The following TUBA4B variants were observed in gnomAD, a reference collection of about 807,000 sequenced individuals.
TUBA4B encodes the protein tubulin-like protein alpha-4B.
A neutral mutation model predicts 18.4 loss-of-function variants in TUBA4B; 13 were observed. The observed-to-expected ratio is 0.71, with a 90% confidence interval of 0.46 to 1.12. The LOEUF is 1.12. TUBA4B is among the 50% of genes most tolerant of loss of function. The pLI, the probability that TUBA4B is intolerant of heterozygous loss-of-function variation, is 0.00. For missense variants in TUBA4B, 244 were observed against 250.0 expected, an observed-to-expected ratio of 0.98 and a Z score of 0.16; for synonymous variants, 101 against 99.1, an observed-to-expected ratio of 1.02 and a Z score of -0.11.
At chr2:219,270,150 CA>C (rs1951816601) in intron 2 of TUBA4B, 51 bp from the exon 3 acceptor site, 1 of 693,588 alleles carries the variant, frequency 1.4e-6, no homozygotes, top group Admixed American at 2.0e-5. Context: ...AGCTGGATTG[CA>C]AAGGGAGGTG....
intron 1 of TUBA4B, among the ~76,000 whole-genome samples, chr2:219,253,690 G>C (rs1332829606): frequency 6.6e-6 from 1 of 152,188 alleles, no homozygotes; most frequent in South Asian, 2.1e-4. Flanking sequence ...TATACGGCTC[G>C]GCCAAAGTCA....
chr2:219,257,284 A>G (rs1305039722), intron 1 of TUBA4B, among the ~76,000 whole-genome samples: 1 of 135,646 alleles, frequency 7.4e-6, no homozygotes, highest in African/African-American at 2.8e-5. Context: ...CTCGTGATCC[A>G]CCCACCTCAG....
chr2:219,260,394 A>G (rs1951752507), intron 1 of TUBA4B, among the ~76,000 whole-genome samples: 1 of 152,218 alleles, frequency 6.6e-6, no homozygotes. Flanking sequence ...ACTAGAGTAT[A>G]TACATTCCCA....
rs747592132 is a variant in TUBA4B, at chr2:219,270,309, C to G, written c.166C>G (p.Leu56Val). Residue 56 changes from leucine (L) to valine (V), a missense_variant, in exon 3 of 4, where the codon CTG (leucine) becomes GTG (valine). Leu to Val is a conservative substitution (Grantham distance 32). Transcript: ENST00000490341. Reference protein sequence around the residue: ...HYTIGKEFIDLLLDRIRKLAD... With the variant: ...HYTIGKEFIDVLLDRIRKLAD... The stretch of plus-strand genomic sequence containing the variant: ...CACCATTGGGAAGGAGTTCATCGAC[C>G]TGCTACTGGACCGGATTCGGAAGCT... The G allele has an allele frequency of 4.0e-6, 3 of 751,366 alleles. No homozygotes were observed. The highest frequency in any genetic ancestry group is 7.4e-6 in the Non-Finnish European group (3 of 406,368). The allele number at this position is 751,366 out of a possible 1,614,324, so 46.5% of individuals were successfully genotyped here.
In TUBA4B at chr2:219,271,804, T is replaced by C. The variant is rs531909544; in HGVS notation, c.*105T>C. ...TGCCATTGCTGCCATCAAGACCAAG[T>C]GCAGCATTCAGTTTGTGGACTGGTG... is the stretch of plus-strand genomic sequence containing the variant. On this transcript the variant is annotated 3_prime_UTR_variant, in exon 4 of 4. Coordinates refer to ENST00000490341, the MANE Select transcript of TUBA4B (RefSeq NM_001355221.1). The C allele has an allele frequency of 4.4e-5, 71 of 1,602,194 alleles. No homozygotes were observed. The highest frequency in any genetic ancestry group is 8.0e-5 in the African/African-American group (6 of 74,838).
intron 1 of TUBA4B, among the ~76,000 whole-genome samples, chr2:219,260,873 TG>T (rs1160878193): frequency 6.6e-6 from 1 of 152,002 alleles, no homozygotes; most frequent in East Asian, 1.9e-4. Flanking sequence ...CTCGGGAGGC[TG>T]AGGCAGAAGA....
In TUBA4B at chr2:219,271,170, A is replaced by G. The variant is rs1357452007; in HGVS notation, c.197A>G (p.Asp66Gly). The change falls in exon 4 of 4, where the codon GAC becomes GGC. Residue 66 changes from aspartate (D) to glycine (G), a missense_variant. By Grantham distance (94) the Asp-to-Gly change is moderately conservative. Coordinates refer to ENST00000490341, the MANE Select transcript of TUBA4B (RefSeq NM_001355221.1). ...LLLDRIRKLA[D>G]QCTGLQGFLV... ...CCCCTCCCCTTCCCTGTCTAGGCTG[A>G]CCAGTGCACAGGACTTCAGGGCTTC... 10 of 929,188 alleles carry G rather than the reference A, an allele frequency of 1.1e-5. No homozygotes were observed. The highest frequency in any genetic ancestry group is 1.8e-5 in the Non-Finnish European group (10 of 561,208). 57.6% of individuals were successfully genotyped at this position (929,188 alleles called of 1,614,324 possible). A position where few individuals can be genotyped will look rare whatever the true frequency, so the allele number is the denominator to read the frequency against.
At chr2:219,253,868 G>C (rs377724136) in intron 1 of TUBA4B, 5 of 1,464,568 alleles carry the variant, frequency 3.4e-6, no homozygotes, top group African/African-American at 1.4e-5. Context: ...TGGTGAGTCC[G>C]GGCGGTGCGT....
chr2:219,264,845 C>T (rs1951780977), intron 1 of TUBA4B, among the ~76,000 whole-genome samples: 1 of 152,216 alleles, frequency 6.6e-6, no homozygotes, highest in South Asian at 2.1e-4. Context: ...TGGGGGGCTA[C>T]TGTGGTGTGA....
intron 2 of TUBA4B, 44 bp downstream of exon 2, chr2:219,266,610 G>A (rs943431125): frequency 2.8e-6 from 2 of 701,798 alleles, no homozygotes; most frequent in Non-Finnish European, 5.2e-6. Flanking sequence ...GCAAGTGAGG[G>A]TCCCAGTGGG....
chr2:219,253,998 G>A, intron 1 of TUBA4B: 3 of 899,422 alleles, frequency 3.3e-6, no homozygotes, highest in Non-Finnish European at 4.7e-6. Flanking sequence ...TAGAGGCTGG[G>A]CGGCCCGCAG....
chr2:219,257,444 C>T (rs1393566159), intron 1 of TUBA4B, among the ~76,000 whole-genome samples: 1 of 147,426 alleles, frequency 6.8e-6, no homozygotes, highest in Non-Finnish European at 1.5e-5. Context: ...AGTTCAAGAC[C>T]AGCCTGACCA....
intron 1 of TUBA4B, among the ~76,000 whole-genome samples, chr2:219,256,154 GA>G (rs959982050): frequency 2.0e-5 from 3 of 152,150 alleles, no homozygotes; most frequent in Non-Finnish European, 4.4e-5. Context: ...GCTATCTTAG[GA>G]AAAACTCTAA....
intron 1 of TUBA4B, among the ~76,000 whole-genome samples, 152 bp downstream of exon 1, chr2:219,253,571 G>A (rs987151311): frequency 2.6e-5 from 4 of 152,186 alleles, no homozygotes; most frequent in African/African-American, 9.7e-5. Context: ...ATACAGAGTC[G>A]GGACACAAAT....
chr2:219,269,579 G>A (rs1276359436), intron 2 of TUBA4B, among the ~76,000 whole-genome samples: 3 of 152,186 alleles, frequency 2.0e-5, no homozygotes, highest in African/African-American at 7.2e-5. Flanking sequence ...GTCCAGGCAT[G>A]ATATGTTTCC....
In TUBA4B at chr2:219,271,478, C is replaced by T; in HGVS notation, c.505C>T (p.Leu169Phe). Residue 169 changes from leucine (L) to phenylalanine (F), a missense_variant, in exon 4 of 4, where the codon CTC becomes TTC. Physicochemically the swap from Leu to Phe is conservative, Grantham distance 22. Coordinates refer to ENST00000490341, the MANE Select transcript of TUBA4B (RefSeq NM_001355221.1). Reference sequence around the variant, plus strand: ...CCCAACCTACACCAACCTCAATCGCCTCATTAGCCAAATTGTCTCCTCCAT... The same window carrying T: ...CCCAACCTACACCAACCTCAATCGCTTCATTAGCCAAATTGTCTCCTCCAT... ...ERPTYTNLNR[L>F]ISQIVSSITA... 4 of 1,614,204 alleles carry T rather than the reference C, an allele frequency of 2.5e-6. No individual in the cohort carries two copies. The highest frequency in any genetic ancestry group is 1.6e-4 in the Middle Eastern group (1 of 6,062).
At position 219,271,253 on chromosome 2, in the gene TUBA4B, G is replaced by A. The variant is rs1371671186; in HGVS notation, c.280G>A (p.Glu94Lys). 7.3e-7 allele frequency: 1 copy of A among 1,362,836 alleles called. No homozygotes were observed. The highest frequency in any genetic ancestry group is 1.4e-5 in the African/African-American group (1 of 69,970). The allele number at this position is 1,362,836 out of a possible 1,614,324, so 84.4% of individuals were successfully genotyped here. A position where few individuals can be genotyped will look rare whatever the true frequency, so the allele number is the denominator to read the frequency against. The change falls in exon 4 of 4, where the codon GAG becomes AAG. Residue 94 changes from glutamate to lysine, a missense_variant. Glu to Lys is a moderately conservative substitution (Grantham distance 56). Transcript: ENST00000490341. ...CTCTGACGTCACCTCATTCCTGATGGAGTGGCTTTCTGTTAACTATGGCAA... is the reference window on the plus strand; with the variant it reads ...CTCTGACGTCACCTCATTCCTGATGAAGTGGCTTTCTGTTAACTATGGCAA... ...TGSDVTSFLMEWLSVNYGKKS... is the reference protein window; with the variant it reads ...TGSDVTSFLMKWLSVNYGKKS...
At position 219,266,554 on chromosome 2, in the gene TUBA4B, T is replaced by C. The variant is rs1208996877; in HGVS notation, c.46T>C (p.Ser16Pro). 7.1e-6 allele frequency: 5 copies of C among 702,868 alleles called. No homozygotes were observed. In the African/African-American group the frequency reaches 8.7e-5, roughly 12 times the overall value. The allele number at this position is 702,868 out of a possible 1,614,324, so 43.5% of individuals were successfully genotyped here. ...TERQDPSQPLSRQHGTYRQIF... is the reference protein window; with the variant it reads ...TERQDPSQPLPRQHGTYRQIF... ...GAGACAAGACCCCAGCCAGCCCCTG[T>C]CCAGGCAGCATGGTGAGTAGAAGGG... The change falls in exon 2 of 4, where the codon TCC becomes CCC. Residue 16 changes from serine (S) to proline (P), a missense_variant. Physicochemically the swap from Ser to Pro is moderately conservative, Grantham distance 74 (BLOSUM62 -1). Transcript: ENST00000490341.
intron 1 of TUBA4B, among the ~76,000 whole-genome samples, chr2:219,263,633 T>A (rs1951772333): frequency 6.6e-6 from 1 of 152,178 alleles, no homozygotes; most frequent in Admixed American, 6.5e-5. Flanking sequence ...CCCATATCAC[T>A]CCATCTGGAC....
Sources: allele counts gnomAD v4.1 joint callset (sites outside exome capture counted in the v4.1 genomes callset), GRCh38; gene constraint gnomAD v4.1.1; transcripts MANE v1.5; gene names NCBI Gene and HGNC (gene_info 2026-07-23, HGNC 2026-07-21).